The following GNG12 variants were observed in gnomAD, a reference collection of about 807,000 sequenced individuals.
GNG12 encodes the protein G protein subunit gamma 12.
For missense variants in GNG12, 69 were observed against 83.8 expected, an observed-to-expected ratio of 0.82 and a Z score of 0.69; for synonymous variants, 28 against 29.7, an observed-to-expected ratio of 0.94 and a Z score of 0.19.
chr1:67,786,424 G>T (rs1229475627), intron 1 of GNG12, among the ~76,000 whole-genome samples: 1 of 152,116 alleles, frequency 6.6e-6, no homozygotes, highest in Non-Finnish European at 1.5e-5. Context: ...GCTCTTTTGA[G>T]AAAGATCTAG....
chr1:67,773,232 T>G (rs1424560603), intron 2 of GNG12, among the ~76,000 whole-genome samples: 1 of 152,160 alleles, frequency 6.6e-6, no homozygotes, highest in Non-Finnish European at 1.5e-5. Context: ...GAATTAAAAC[T>G]TTTTCTTCCT....
At position 67,723,292 on chromosome 1, in the gene GNG12, C is replaced by T. The variant is rs117525196; in HGVS notation, c.-26-15580G>A. Among the ~76,000 whole-genome samples, 305 of 152,214 alleles carry T rather than the reference C, an allele frequency of 2.0e-3. 10 individuals carry two copies. In the East Asian group the frequency reaches 0.051, roughly 26 times the overall value. ...TCTCACTTGGATGGGGATAGTAGGG[C>T]AGTTTCAAAGGAGCAGAGACAGGCT... is the stretch of plus-strand genomic sequence containing the variant. On this transcript the variant is annotated intron_variant, in intron 2 of 3. Transcript: ENST00000370982.
intron 1 of GNG12, among the ~76,000 whole-genome samples, chr1:67,803,375 A>G (rs2100799680): frequency 6.6e-6 from 1 of 152,264 alleles, no homozygotes; most frequent in East Asian, 1.9e-4. Context: ...ATTTTTTTTA[A>G]GTTAATTTAT....
At chr1:67,725,200 A>G (rs1646378844) in intron 2 of GNG12, among the ~76,000 whole-genome samples, 1 of 152,194 alleles carries the variant, frequency 6.6e-6, no homozygotes, top group Non-Finnish European at 1.5e-5. Context: ...CCTTGGAGGT[A>G]CGCATGAAAA....
chr1:67,703,356 T>C lies in GNG12; in HGVS notation c.*2095A>G, dbSNP rs1157590978. 6.6e-6 allele frequency: 1 copy of C among 152,218 alleles called. No individual in the cohort carries two copies. Among genetic ancestry groups the C allele is most frequent in the Non-Finnish European group, 1.5e-5 (1 of 68,036 alleles). 9.4% of individuals were successfully genotyped at this position (152,218 alleles called of 1,614,324 possible). ...GTACTAAATAATAAACTATGCCTGC[T>C]ACCAATAACATGCACATAATGGTAT... On this transcript the variant is annotated 3_prime_UTR_variant, in exon 4 of 4. Transcript: ENST00000370982.
intron 2 of GNG12, among the ~76,000 whole-genome samples, chr1:67,772,220 G>A (rs1377714629): frequency 6.6e-6 from 1 of 152,162 alleles, no homozygotes; most frequent in Non-Finnish European, 1.5e-5. Flanking sequence ...CAGATCTGTT[G>A]AAGTCTATTC....
intron 2 of GNG12, among the ~76,000 whole-genome samples, chr1:67,736,764 C>T (rs536426493): frequency 2.0e-4 from 31 of 152,248 alleles, no homozygotes; most frequent in African/African-American, 7.0e-4. Flanking sequence ...TGATTAAAAC[C>T]TAGGGGAGTG....
At chr1:67,769,550 G>T (rs1409743258) in intron 2 of GNG12, among the ~76,000 whole-genome samples, 2 of 152,156 alleles carry the variant, frequency 1.3e-5, no homozygotes, top group African/African-American at 2.4e-5. Context: ...CAGATCAAGA[G>T]AAACTATGTT....
chr1:67,805,887 C>A, intron 1 of GNG12, among the ~76,000 whole-genome samples: 1 of 145,154 alleles, frequency 6.9e-6, no homozygotes, highest in Non-Finnish European at 1.5e-5. Flanking sequence ...AAGATAAAAA[C>A]TTTTGAAAGA....
chr1:67,758,333 G>A (rs1355143999), intron 2 of GNG12, among the ~76,000 whole-genome samples: 1 of 152,138 alleles, frequency 6.6e-6, no homozygotes, highest in East Asian at 1.9e-4. Context: ...CAAACCCTTG[G>A]GACTGAACTA....
intron 1 of GNG12, among the ~76,000 whole-genome samples, chr1:67,793,655 G>A (rs572850657): frequency 3.3e-5 from 5 of 151,986 alleles, no homozygotes; most frequent in South Asian, 2.1e-4. Context: ...GCTTTCTTCC[G>A]CTGTTCTCTG....
chr1:67,752,883 C>T (rs1333212306), intron 2 of GNG12, among the ~76,000 whole-genome samples: 4 of 152,178 alleles, frequency 2.6e-5, no homozygotes, highest in African/African-American at 9.7e-5. Context: ...ATTTATGTCC[C>T]TGTGTCCTTA....
chr1:67,809,717 A>G (rs948310561), intron 1 of GNG12, among the ~76,000 whole-genome samples: 10 of 152,164 alleles, frequency 6.6e-5, no homozygotes, highest in African/African-American at 2.4e-4. Context: ...ACAAACGAAA[A>G]CAACGAGATA....
intron 2 of GNG12, among the ~76,000 whole-genome samples, chr1:67,748,350 A>C (rs1256869270): frequency 6.6e-6 from 1 of 152,220 alleles, no homozygotes; most frequent in African/African-American, 2.4e-5. Flanking sequence ...CAGATACAAA[A>C]ATCAGAGTAG....
In GNG12 at chr1:67,823,991, A is replaced by G. The variant is rs76885212; in HGVS notation, c.-77+9353T>C. Among the ~76,000 whole-genome samples the G allele has an allele frequency of 3.6e-3, 550 of 152,324 alleles. 3 individuals carry two copies. Among genetic ancestry groups the G allele is most frequent in the Non-Finnish European group, 5.3e-3 (360 of 68,026 alleles). On this transcript the variant is annotated intron_variant, in intron 1 of 3. Transcript: ENST00000370982. ...GTGTGAGAAAGAGATACTTGCAGAG[A>G]CAGATGTCTAAAACATACCACTAAT...
intron 2 of GNG12, among the ~76,000 whole-genome samples, chr1:67,719,392 CA>C (rs1307544136): frequency 6.6e-6 from 1 of 152,138 alleles, no homozygotes; most frequent in African/African-American, 2.4e-5. Context: ...GTCATGAATG[CA>C]AAAGGTGGGC....
chr1:67,791,268 C>A (rs1557619155), intron 1 of GNG12, among the ~76,000 whole-genome samples: 1 of 151,968 alleles, frequency 6.6e-6, no homozygotes, highest in East Asian at 1.9e-4. Flanking sequence ...TCTGATATAC[C>A]CATCCTTAGG....
At chr1:67,753,966 T>C (rs1366287206) in intron 2 of GNG12, among the ~76,000 whole-genome samples, 1 of 152,130 alleles carries the variant, frequency 6.6e-6, no homozygotes, top group Non-Finnish European at 1.5e-5. Context: ...CTCCTCTTCA[T>C]GAGGCTGCCC....
At chr1:67,805,679 A>G (rs1016279440) in intron 1 of GNG12, among the ~76,000 whole-genome samples, 2 of 152,168 alleles carry the variant, frequency 1.3e-5, no homozygotes, top group East Asian at 3.8e-4. Flanking sequence ...CAAAAGGTGT[A>G]ACATACATGT....
Sources: gnomAD v4.1 joint callset for allele counts (sites outside exome capture counted in the v4.1 genomes callset) on GRCh38, gnomAD v4.1.1 for gene constraint, MANE v1.5 for transcripts, NCBI Gene and HGNC (gene_info 2026-07-23, HGNC 2026-07-21) for gene names.